The following CD47 variants were observed in gnomAD, a reference collection of about 807,000 sequenced individuals.
CD47 encodes the protein leukocyte surface antigen CD47.
In CD47, 11 loss-of-function variants were observed where a neutral mutation model predicts 44.6. That is an observed-to-expected ratio of 0.25 (90% CI 0.16 to 0.41). CD47 has a LOEUF of 0.41. CD47 is among the 10% of genes least tolerant of loss of function. CD47 has a pLI of 1.00. For synonymous variants in CD47, 140 were observed against 136.3 expected, an observed-to-expected ratio of 1.03 and a Z score of -0.19; for missense variants, 306 against 386.7, an observed-to-expected ratio of 0.79 and a Z score of 1.75.
intron 1 of CD47, among the ~76,000 whole-genome samples, 180 bp downstream of exon 1, chr3:108,090,682 AG>A (rs1006660266): frequency 6.6e-6 from 1 of 152,058 alleles, no homozygotes; most frequent in Non-Finnish European, 1.5e-5. Context: ...GGGAGGAAGA[AG>A]GGGGGCGCCC....
intron 1 of CD47, among the ~76,000 whole-genome samples, chr3:108,080,985 G>A (rs909908092): frequency 6.6e-6 from 1 of 151,676 alleles, no homozygotes; most frequent in African/African-American, 2.4e-5. Context: ...CAAAATATAG[G>A]CAGCAATAGA....
intron 2 of CD47, among the ~76,000 whole-genome samples, chr3:108,074,510 T>C (rs1226153113): frequency 1.3e-5 from 2 of 151,902 alleles, no homozygotes; most frequent in Non-Finnish European, 2.9e-5. Flanking sequence ...GACAGGGTTT[T>C]ATCATGTTGG....
At chr3:108,082,226 A>G (rs925479754) in intron 1 of CD47, among the ~76,000 whole-genome samples, 2 of 151,988 alleles carry the variant, frequency 1.3e-5, no homozygotes, top group East Asian at 1.9e-4. Flanking sequence ...ATCTGACTCT[A>G]TAGAAGCCTG....
chr3:108,086,659 G>A (rs1469688290), intron 1 of CD47, among the ~76,000 whole-genome samples: 2 of 152,180 alleles, frequency 1.3e-5, no homozygotes, highest in African/African-American at 4.8e-5. Flanking sequence ...AAATTTGGCA[G>A]TGTAAGAAAG....
At chr3:108,057,607 A>T (rs374714058) in intron 6 of CD47, 38 bp from the exon 7 acceptor site, 94 of 1,008,020 alleles carry the variant, frequency 9.3e-5, no homozygotes, top group Non-Finnish European at 1.3e-4. Context: ...AGAAAAGCAT[A>T]TGAAATAACT....
intron 3 of CD47, among the ~76,000 whole-genome samples, chr3:108,064,770 A>G (rs114069395): frequency 1.1e-4 from 17 of 152,202 alleles, no homozygotes; most frequent in Non-Finnish European, 2.1e-4. Context: ...AGAATAAATC[A>G]TAAAGAAAGA....
intron 7 of CD47, chr3:108,052,639 G>T (rs137991987): frequency 3.3e-5 from 5 of 152,270 alleles, no homozygotes. Flanking sequence ...GAGGGAAGAA[G>T]AGATAGCTTC....
rs539677966 is a variant in CD47, at chr3:108,045,788, G to A, written c.*1500C>T. ...TTATTACACAAACAGGAAGAATTAC[G>A]TATTTTTACAGGGTATTGGTGAGCA... On this transcript the variant is annotated 3_prime_UTR_variant, in exon 11 of 11. Transcript: ENST00000361309. 4 of 152,290 alleles carry A rather than the reference G, an allele frequency of 2.6e-5. No individual in the cohort carries two copies. The East Asian group carries it at 7.7e-4, about 29-fold the overall frequency. The allele number at this position is 152,290 out of a possible 1,614,324, so 9.4% of individuals were successfully genotyped here.
chr3:108,057,359 C>A, intron 7 of CD47, 118 bp downstream of exon 7: 1 of 572,584 alleles, frequency 1.7e-6, no homozygotes, highest in Non-Finnish European at 3.2e-6. Context: ...ATCCTCGAAT[C>A]ACTCCAATTG....
At chr3:108,068,494 A>G (rs1423803501) in intron 3 of CD47, among the ~76,000 whole-genome samples, 1 of 152,192 alleles carries the variant, frequency 6.6e-6, no homozygotes, top group African/African-American at 2.4e-5. Context: ...GCTACTCAGT[A>G]TTATGTGCTT....
chr3:108,059,364 A>C (rs1264919972), intron 5 of CD47, 88 bp downstream of exon 5: 3 of 598,686 alleles, frequency 5.0e-6, no homozygotes, highest in African/African-American at 3.9e-5. Context: ...ATTGAGTTGT[A>C]AAAAATTTAT....
At chr3:108,050,302 G>A (rs2078803722) in intron 9 of CD47, among the ~76,000 whole-genome samples, 1 of 152,096 alleles carries the variant, frequency 6.6e-6, no homozygotes, top group Admixed American at 6.5e-5. Flanking sequence ...ATTTTCAGTA[G>A]AGACAGGGTT....
In CD47 at chr3:108,052,186, T is replaced by A. The variant is rs149312531; in HGVS notation, c.878-216A>T. 1.3e-5 allele frequency: 5 copies of A among 383,134 alleles called. No homozygotes were observed. In the East Asian group the frequency reaches 2.7e-4, roughly 21 times the overall value. The allele number at this position is 383,134 out of a possible 1,614,324, so 23.7% of individuals were successfully genotyped here. A position where few individuals can be genotyped will look rare whatever the true frequency, so the allele number is the denominator to read the frequency against. On this transcript the variant is annotated intron_variant, in intron 7 of 10. Coordinates refer to ENST00000361309, the MANE Select transcript of CD47 (RefSeq NM_001777.4). ...AAATGAAGCAAATAACCCATCTACA[T>A]CAAATAGTAAACACATTCTCTCATT...
chr3:108,060,898 A>G (rs766209050), intron 3 of CD47, 46 bp from the exon 4 acceptor site: 8 of 1,244,132 alleles, frequency 6.4e-6, no homozygotes. Context: ...ATCACAAGTG[A>G]AGCCATTTTA....
intron 2 of CD47, among the ~76,000 whole-genome samples, chr3:108,072,113 C>T (rs1179048134): frequency 2.6e-5 from 4 of 152,110 alleles, no homozygotes; most frequent in Admixed American, 6.6e-5. Context: ...ATCTTATAAA[C>T]CCCTAAGACC....
intron 2 of CD47, among the ~76,000 whole-genome samples, chr3:108,074,722 G>A: frequency 7.5e-6 from 1 of 133,832 alleles, no homozygotes; most frequent in South Asian, 2.8e-4. Flanking sequence ...GGGGGGGGGG[G>A]GCACACAATG....
intron 2 of CD47, among the ~76,000 whole-genome samples, chr3:108,071,616 T>A (rs1317144627): frequency 1.3e-5 from 2 of 152,344 alleles, no homozygotes; most frequent in Middle Eastern, 3.4e-3. Flanking sequence ...GAAGGACTGT[T>A]GTAACTATTA....
chr3:108,076,345 A>G (rs1484374122), intron 2 of CD47, among the ~76,000 whole-genome samples: 7 of 152,212 alleles, frequency 4.6e-5, no homozygotes, highest in Admixed American at 4.6e-4. Flanking sequence ...TTTCTAAACA[A>G]AACTCTAATA....
chr3:108,055,983 A>T (rs953233456), intron 7 of CD47, among the ~76,000 whole-genome samples: 2 of 152,192 alleles, frequency 1.3e-5, no homozygotes, highest in Non-Finnish European at 2.9e-5. Flanking sequence ...CAACCCAGAT[A>T]GTGAGGAAAA....
Sources: allele counts gnomAD v4.1 joint callset (sites outside exome capture counted in the v4.1 genomes callset), GRCh38; gene constraint gnomAD v4.1.1; transcripts MANE v1.5; gene names NCBI Gene and HGNC (gene_info 2026-07-23, HGNC 2026-07-21).